SHROOM3: variants seen among roughly 807,000 people sequenced by gnomAD.
The protein encoded by SHROOM3 is protein Shroom3.
SHROOM3 carries 47 observed loss-of-function variants against 138.6 expected under a neutral mutation model. That is an observed-to-expected ratio of 0.34 (90% CI 0.27 to 0.43). The LOEUF is 0.43. Ranked by LOEUF, SHROOM3 falls within the 20% of genes least tolerant of loss-of-function variation. The pLI, the probability that SHROOM3 is intolerant of heterozygous loss-of-function variation, is 1.00. For missense variants in SHROOM3, 2,491 were observed against 2,596.5 expected (o/e 0.96, Z 0.88); for synonymous variants, 1,062 against 1,063.3 (o/e 1.00, Z 0.02).
At chr4:76,621,619 G>A (rs2110066596) in intron 2 of SHROOM3, among the ~76,000 whole-genome samples, 1 of 152,208 alleles carries the variant, frequency 6.6e-6, no homozygotes. Context: ...AGTTGTCCTG[G>A]TGTTTTCAAA....
In SHROOM3 at chr4:76,505,455, G is replaced by C. The variant is rs116113727; in HGVS notation, c.169-50154G>C. On this transcript the variant is annotated intron_variant, in intron 1 of 10. Transcript: ENST00000296043. ...ACACTACAACCCTTCTCCAGGCATG[G>C]CTGTACCCTTACTTTATACATCCAT... Among the ~76,000 whole-genome samples, 805 of 152,118 alleles carry C rather than the reference G, an allele frequency of 5.3e-3. 8 individuals carry two copies. Among genetic ancestry groups the C allele is most frequent in the African/African-American group, 0.019 (775 of 41,502 alleles).
intron 1 of SHROOM3, among the ~76,000 whole-genome samples, chr4:76,477,212 C>T (rs544815211): frequency 6.6e-6 from 1 of 152,034 alleles, no homozygotes; most frequent in Admixed American, 6.5e-5. Flanking sequence ...CGTGATCCAC[C>T]CCCCACTCGG....
chr4:76,647,081 A>G (rs1004603860), intron 2 of SHROOM3, among the ~76,000 whole-genome samples: 8 of 152,232 alleles, frequency 5.3e-5, no homozygotes, highest in Non-Finnish European at 1.2e-4. Flanking sequence ...TTGGCCATAA[A>G]AAAGAATGAA....
intron 1 of SHROOM3, among the ~76,000 whole-genome samples, chr4:76,494,603 GAC>G (rs1265620340): frequency 9.2e-5 from 14 of 152,354 alleles, no homozygotes; most frequent in Admixed American, 5.2e-4. Flanking sequence ...TACTGATACT[GAC>G]ACATGTGTGG....
chr4:76,714,506 T>G (rs1057021648), intron 3 of SHROOM3, among the ~76,000 whole-genome samples: 1 of 152,194 alleles, frequency 6.6e-6, no homozygotes, highest in Non-Finnish European at 1.5e-5. Context: ...TATGTCTCAT[T>G]ACTGGTGATG....
chr4:76,710,793 T>A (rs1720207519), intron 3 of SHROOM3, among the ~76,000 whole-genome samples: 1 of 152,010 alleles, frequency 6.6e-6, no homozygotes, highest in Admixed American at 6.6e-5. Flanking sequence ...TGAGAGTGAA[T>A]GAACCTGAGT....
In SHROOM3 at chr4:76,781,720, A is replaced by G. The variant is rs1178814468; in HGVS notation, c.*2543A>G. On this transcript the variant is annotated 3_prime_UTR_variant, in exon 11 of 11. Transcript: ENST00000296043. Reference sequence around the variant, plus strand: ...TTTCCTTTTAAATGCGTTTAGCTAGAAATCTATGTATTTATCCCTTTCCTA... The same window carrying G: ...TTTCCTTTTAAATGCGTTTAGCTAGGAATCTATGTATTTATCCCTTTCCTA... 1 of 152,212 alleles carries G rather than the reference A, an allele frequency of 6.6e-6. No homozygotes were observed. The highest frequency in any genetic ancestry group is 6.5e-5 in the Admixed American group (1 of 15,268). The allele number at this position is 152,212 out of a possible 1,614,324, so 9.4% of individuals were successfully genotyped here.
intron 2 of SHROOM3, among the ~76,000 whole-genome samples, chr4:76,697,091 T>A (rs867436573): frequency 1.9e-4 from 29 of 150,432 alleles, no homozygotes; most frequent in Middle Eastern, 6.8e-3. Flanking sequence ...TAATTAATTT[T>A]TTTTTTTTTT....
intron 1 of SHROOM3, among the ~76,000 whole-genome samples, chr4:76,482,905 T>C (rs1211028025): frequency 6.6e-6 from 1 of 152,176 alleles, no homozygotes; most frequent in Non-Finnish European, 1.5e-5. Context: ...GGGGAAAGGA[T>C]TCCCTATTTA....
At chr4:76,545,419 G>A (rs1331390837) in intron 1 of SHROOM3, among the ~76,000 whole-genome samples, 1 of 152,132 alleles carries the variant, frequency 6.6e-6, no homozygotes, top group East Asian at 1.9e-4. Context: ...CATTTGGATG[G>A]TCCATAGGGT....
rs1030509411 is a variant in SHROOM3 at position 76,740,362 on chromosome 4, G to A, written c.2189G>A (p.Gly730Asp). The A allele has an allele frequency of 2.5e-6, 4 of 1,612,954 alleles. No homozygotes were observed. The highest frequency in any genetic ancestry group is 2.5e-6 in the Non-Finnish European group (3 of 1,180,022). ...TACCCGCGGCCCGAGGGGAGGACCG[G>A]TGCCTCGGCTTCTTTCAACAGCACA... Reference protein sequence around the residue: ...VSYPRPEGRTGASASFNSTDP... With the variant: ...VSYPRPEGRTDASASFNSTDP... The change falls in exon 5 of 11, where the codon GGT becomes GAT. Residue 730 changes from glycine to aspartate, a missense_variant. This residue lies in a region of SHROOM3 where 1,733 missense variants were observed against 1,661.6 expected (regional missense o/e 1.04). Coordinates refer to ENST00000296043, the MANE Select transcript of SHROOM3 (RefSeq NM_020859.4). The surrounding 1 kb of genome is among the most constrained non-coding windows in gnomAD (Gnocchi z 4.0).
chr4:76,598,268 A>T (rs1435009396), intron 2 of SHROOM3, among the ~76,000 whole-genome samples: 1 of 151,966 alleles, frequency 6.6e-6, no homozygotes, highest in East Asian at 1.9e-4. Flanking sequence ...CCTCGTGATC[A>T]GCCCACCTCG....
intron 5 of SHROOM3, among the ~76,000 whole-genome samples, chr4:76,744,799 T>TA (rs1368808473): frequency 6.6e-6 from 1 of 152,234 alleles, no homozygotes; most frequent in East Asian, 1.9e-4. Context: ...TGCTTGCTCT[T>TA]ACCAGTCAGA....
chr4:76,512,536 G>T (rs1732358824), intron 1 of SHROOM3, among the ~76,000 whole-genome samples: 2 of 152,198 alleles, frequency 1.3e-5, no homozygotes, highest in Admixed American at 1.3e-4. Flanking sequence ...TGCTTTAGGG[G>T]TCACACCCTC....
In SHROOM3 at chr4:76,464,913, C is replaced by T. The variant is rs190905156; in HGVS notation, c.168+28693C>T. On this transcript the variant is annotated intron_variant, in intron 1 of 10. Transcript: ENST00000296043. ...GGACTGTAAGTCAATTAAACCTCTT[C>T]ATAAATTACCCAATCTCAGGTAGTT... Among the ~76,000 whole-genome samples the T allele has an allele frequency of 3.4e-3, 521 of 152,268 alleles. 1 individual carries two copies. Among genetic ancestry groups the T allele is most frequent in the Non-Finnish European group, 6.1e-3 (417 of 68,026 alleles).
intron 2 of SHROOM3, among the ~76,000 whole-genome samples, chr4:76,599,840 T>A (rs538539450): frequency 1.3e-5 from 2 of 152,314 alleles, no homozygotes; most frequent in African/African-American, 4.8e-5. Context: ...GGAAATGGAC[T>A]TTGTTGGTGC....
intron 2 of SHROOM3, among the ~76,000 whole-genome samples, chr4:76,629,639 T>C (rs1233350173): frequency 6.6e-6 from 1 of 151,986 alleles, no homozygotes; most frequent in African/African-American, 2.4e-5. Flanking sequence ...AGATGGGAGA[T>C]GTGGTTGGAT....
chr4:76,568,895 A>C (rs1733780561), intron 2 of SHROOM3, among the ~76,000 whole-genome samples: 1 of 152,180 alleles, frequency 6.6e-6, no homozygotes, highest in South Asian at 2.1e-4. Context: ...GATCTTGGCC[A>C]GTGACTTCAC....
intron 10 of SHROOM3, among the ~76,000 whole-genome samples, chr4:76,776,852 G>A (rs1299455954): frequency 1.3e-5 from 2 of 152,130 alleles, no homozygotes; most frequent in African/African-American, 4.8e-5. Context: ...TTGTTGAATA[G>A]GGTGACCTTT....
Sources: gnomAD v4.1 joint callset for allele counts (sites outside exome capture counted in the v4.1 genomes callset) on GRCh38, gnomAD v4.1.1 for gene constraint, gnomAD v4.1.1 regional missense constraint, Gnocchi (gnomAD v3.1) non-coding constraint, MANE v1.5 for transcripts, NCBI Gene and HGNC (gene_info 2026-07-23, HGNC 2026-07-21) for gene names.